POLR3H: variants seen among roughly 807,000 people sequenced by gnomAD.
POLR3H encodes the protein RNA polymerase III subunit H.
POLR3H carries 17 observed loss-of-function variants against 25.5 expected under a neutral mutation model. That is an observed-to-expected ratio of 0.67 (90% CI 0.46 to 1.00). POLR3H has a LOEUF of 1.00. Among genes scored for constraint, POLR3H ranks in the 50% least tolerant of loss-of-function variants. The pLI is 0.00. For synonymous variants in POLR3H, 129 were observed against 103.0 expected (o/e 1.25, Z -1.53); for missense variants, 274 against 265.0 (o/e 1.03, Z -0.24).
In POLR3H at chr22:41,540,899, G is replaced by A. The variant is rs540975251; in HGVS notation, c.112-104C>T. Reference sequence around the variant, plus strand: ...CCCCTCACAACCACAAGCAAGCCATGATTATCTCCTTTTTTAGGTGAAAAT... The same window carrying A: ...CCCCTCACAACCACAAGCAAGCCATAATTATCTCCTTTTTTAGGTGAAAAT... On this transcript the variant is annotated intron_variant, in intron 1 of 5. Transcript: ENST00000355209. 67 of 802,944 alleles carry A rather than the reference G, an allele frequency of 8.3e-5. 1 individual carries two copies. The South Asian group carries it at 9.1e-4, about 11-fold the overall frequency. 49.7% of individuals were successfully genotyped at this position (802,944 alleles called of 1,614,324 possible).
intron 1 of POLR3H, chr22:41,543,644 AAAAC>A (rs1370027096): frequency 2.2e-5 from 9 of 407,300 alleles, no homozygotes; most frequent in Admixed American, 6.7e-5. Context: ...AAAACAAAAC[AAAAC>A]AAACAACAAC....
intron 2 of POLR3H, 128 bp from the exon 3 acceptor site, chr22:41,532,873 A>C (rs1601950360): frequency 1.0e-6 from 1 of 988,590 alleles, no homozygotes; most frequent in Non-Finnish European, 1.5e-6. Flanking sequence ...GCAAGCCTAG[A>C]CCCTCCCTTT....
rs2066661488 is a variant in POLR3H, at chr22:41,528,838, C to T, written c.*445G>A. The T allele has an allele frequency of 3.4e-6, 2 of 584,568 alleles. No individual in the cohort carries two copies. The highest frequency in any genetic ancestry group is 5.9e-6 in the Non-Finnish European group (2 of 339,176). 36.2% of individuals were successfully genotyped at this position (584,568 alleles called of 1,614,324 possible). The stretch of plus-strand genomic sequence containing the variant: ...TTTTGAGTTTGGTTCAGATCTTAAG[C>T]AGCTCCATGCAACTGTATTTATTTT... On this transcript the variant is annotated 3_prime_UTR_variant, in exon 6 of 6. Coordinates refer to ENST00000355209, the MANE Select transcript of POLR3H (RefSeq NM_001018050.4).
At chr22:41,532,526 G>T in intron 3 of POLR3H, 133 bp downstream of exon 3, 1 of 1,511,594 alleles carries the variant, frequency 6.6e-7, no homozygotes, top group Non-Finnish European at 9.0e-7. Flanking sequence ...GGGAGGGTGG[G>T]CAAGCTTCTC....
rs1366945098 is a variant in POLR3H, at chr22:41,544,339, G to A, written c.-238C>T. 5.0e-6 allele frequency: 2 copies of A among 402,804 alleles called. No individual in the cohort carries two copies. The highest frequency in any genetic ancestry group is 3.9e-5 in the South Asian group (1 of 25,612). 25.0% of individuals were successfully genotyped at this position (402,804 alleles called of 1,614,324 possible). A position where few individuals can be genotyped will look rare whatever the true frequency, so the allele number is the denominator to read the frequency against. ...TCCACAGCTCCGGGTGCGCGCCCGCGCCGCGAGACCCCGCCACGCCACGCC... is the reference window on the plus strand; with the variant it reads ...TCCACAGCTCCGGGTGCGCGCCCGCACCGCGAGACCCCGCCACGCCACGCC... On this transcript the variant is annotated 5_prime_UTR_variant, in exon 1 of 6. Transcript: ENST00000355209.
intron 2 of POLR3H, among the ~76,000 whole-genome samples, chr22:41,537,831 G>A (rs183322028): frequency 2.0e-4 from 31 of 151,790 alleles, no homozygotes; most frequent in Admixed American, 7.2e-4. Flanking sequence ...TTTTTGAGAC[G>A]GGGTCTCTCT....
In POLR3H at chr22:41,527,361, T is replaced by TGC; in HGVS notation, c.*1921_*1922insGC. 6.2e-7 allele frequency: 1 copy of TGC among 1,614,092 alleles called. No individual in the cohort carries two copies. The highest frequency in any genetic ancestry group is 8.5e-7 in the Non-Finnish European group (1 of 1,180,024). Reference sequence around the variant, plus strand: ...GGCTCGAGCCGGGAGCATGCAGCTCTGGAGCCTCGCCACCTTGGGGGCCGG... The same window carrying TGC: ...GGCTCGAGCCGGGAGCATGCAGCTCTGCGGAGCCTCGCCACCTTGGGGGCCGG... On this transcript the variant is annotated 3_prime_UTR_variant, in exon 6 of 6. Transcript: ENST00000355209.
At chr22:41,543,910 T>A (rs763835452) in intron 1 of POLR3H, 81 bp downstream of exon 1, 1 of 981,752 alleles carries the variant, frequency 1.0e-6, no homozygotes. Flanking sequence ...GGGCTTGGCA[T>A]GACCGAGGCC....
In POLR3H at chr22:41,526,547, G is replaced by A. The variant is rs1006399425; in HGVS notation, c.*2736C>T. The A allele has an allele frequency of 9.3e-6, 13 of 1,405,052 alleles. No individual in the cohort carries two copies. The African/African-American group carries it at 1.7e-4, about 19-fold the overall frequency. The allele number at this position is 1,405,052 out of a possible 1,614,324, so 87.0% of individuals were successfully genotyped here. A position where few individuals can be genotyped will look rare whatever the true frequency, so the allele number is the denominator to read the frequency against. ...AGGACATTAGGGGAGTGGAAACTGG[G>A]AAGGAGGCCGACCAAGCCCAAAGGG... On this transcript the variant is annotated 3_prime_UTR_variant, in exon 6 of 6. Transcript: ENST00000355209.
At chr22:41,531,825 GACACCACA>G (rs2145543914) in intron 4 of POLR3H, among the ~76,000 whole-genome samples, 1 of 152,326 alleles carries the variant, frequency 6.6e-6, no homozygotes, top group South Asian at 2.1e-4. Flanking sequence ...TGTCCCCCAG[GACACCACA>G]GCTCTAATGG....
In POLR3H at chr22:41,528,674, G is replaced by T; in HGVS notation, c.*609C>A. 1 of 1,587,868 alleles carries T rather than the reference G, an allele frequency of 6.3e-7. No homozygotes were observed. Among genetic ancestry groups the T allele is most frequent in the Admixed American group, 1.7e-5 (1 of 58,616 alleles). On this transcript the variant is annotated 3_prime_UTR_variant, in exon 6 of 6. Coordinates refer to ENST00000355209, the MANE Select transcript of POLR3H (RefSeq NM_001018050.4). ...TTCAGCTCCACGTGTGCCATCAGTG[G>T]ATCCGATCCGTCCAGCCATGGCTTC... is the stretch of plus-strand genomic sequence containing the variant.
At position 41,544,363 on chromosome 22, in the gene POLR3H, C is replaced by G. The variant is rs2066985713; in HGVS notation, c.-262G>C. 2.9e-6 allele frequency: 1 copy of G among 350,498 alleles called. No individual in the cohort carries two copies. The highest frequency in any genetic ancestry group is 7.6e-4 in the Middle Eastern group (1 of 1,320). 21.7% of individuals were successfully genotyped at this position (350,498 alleles called of 1,614,324 possible). A position where few individuals can be genotyped will look rare whatever the true frequency, so the allele number is the denominator to read the frequency against. ...CGCCGCGAGACCCCGCCACGCCACG[C>G]CACTCCACGCCACGCCACTCCACGC... On this transcript the variant is annotated 5_prime_UTR_variant, in exon 1 of 6. Transcript: ENST00000355209.
At chr22:41,533,813 C>T (rs987224640) in intron 2 of POLR3H, 15 of 767,164 alleles carry the variant, frequency 2.0e-5, no homozygotes, top group Non-Finnish European at 2.9e-5. Flanking sequence ...ACCCTGTCCC[C>T]CACATGGCCC....
At position 41,526,119 on chromosome 22, in the gene POLR3H, A is replaced by ACACGTG; in HGVS notation, c.*3158_*3163dup. 1 of 674,768 alleles carries ACACGTG rather than the reference A, an allele frequency of 1.5e-6. No individual in the cohort carries two copies. Among genetic ancestry groups the ACACGTG allele is most frequent in the Non-Finnish European group, 2.5e-6 (1 of 398,650 alleles). 41.8% of individuals were successfully genotyped at this position (674,768 alleles called of 1,614,324 possible). A position where few individuals can be genotyped will look rare whatever the true frequency, so the allele number is the denominator to read the frequency against. On this transcript the variant is annotated 3_prime_UTR_variant, in exon 6 of 6. Transcript: ENST00000355209. ...AGGGTGGAAGCACCAGGACCACAGA[A>ACACGTG]CACGTGTCTGAAGACTTGCCTGCCT... is the stretch of plus-strand genomic sequence containing the variant.
chr22:41,526,467 G>T lies in POLR3H; in HGVS notation c.*2816C>A. 1 of 1,606,066 alleles carries T rather than the reference G, an allele frequency of 6.2e-7. No homozygotes were observed. Among genetic ancestry groups the T allele is most frequent in the Non-Finnish European group, 8.5e-7 (1 of 1,174,722 alleles). On this transcript the variant is annotated 3_prime_UTR_variant, in exon 6 of 6. Coordinates refer to ENST00000355209, the MANE Select transcript of POLR3H (RefSeq NM_001018050.4). ...CGCTACTACAAGGTGGGTCAGAGTT[G>T]ATAGGGGCAATGCCAGTGGTCACTC... is the stretch of plus-strand genomic sequence containing the variant.
chr22:41,527,872 C>T lies in POLR3H; in HGVS notation c.*1411G>A, dbSNP rs749503783. 3.1e-6 allele frequency: 5 copies of T among 1,613,990 alleles called. No individual in the cohort carries two copies. Among genetic ancestry groups the T allele is most frequent in the Non-Finnish European group, 4.2e-6 (5 of 1,180,022 alleles). On this transcript the variant is annotated 3_prime_UTR_variant, in exon 6 of 6. Transcript: ENST00000355209. Reference sequence around the variant, plus strand: ...GAAGCTCTCCAGGCTAGTCAGGCCCCCGATGACCGAATGCCGCCTGCTTTC... The same window carrying T: ...GAAGCTCTCCAGGCTAGTCAGGCCCTCGATGACCGAATGCCGCCTGCTTTC...
intron 5 of POLR3H, among the ~76,000 whole-genome samples, chr22:41,529,947 G>A (rs912406805): frequency 2.0e-5 from 3 of 151,660 alleles, no homozygotes; most frequent in African/African-American, 7.3e-5. Context: ...AGTAGAGATG[G>A]GGTTTCACCG....
At chr22:41,531,565 C>T (rs2066736069) in intron 4 of POLR3H, among the ~76,000 whole-genome samples, 1 of 152,238 alleles carries the variant, frequency 6.6e-6, no homozygotes. Context: ...ACAGCTGTGA[C>T]ATGTCAGAGT....
At position 41,525,812 on chromosome 22, in the gene POLR3H, C is replaced by CAG. The variant is rs1301395238; in HGVS notation, c.*3469_*3470dup. On this transcript the variant is annotated 3_prime_UTR_variant, in exon 6 of 6. Coordinates refer to ENST00000355209, the MANE Select transcript of POLR3H (RefSeq NM_001018050.4). ...CAAAAACAAGCCTTTTTGGTGTGGC[C>CAG]AGAGGCCTCCAATCTGTGTCAGATA... 1 of 204,188 alleles carries CAG rather than the reference C, an allele frequency of 4.9e-6. No individual in the cohort carries two copies. The allele number at this position is 204,188 out of a possible 1,614,324, so 12.6% of individuals were successfully genotyped here.
Sources: allele counts gnomAD v4.1 joint callset (sites outside exome capture counted in the v4.1 genomes callset), GRCh38; gene constraint gnomAD v4.1.1; transcripts MANE v1.5; gene names NCBI Gene and HGNC (gene_info 2026-07-23, HGNC 2026-07-21).